Variants in COCH observed in about 807,000 individuals in gnomAD.
COCH encodes coagulation factor C homolog, cochlin (Limulus polyphemus).
Under a neutral mutation model 54.8 loss-of-function variants are expected in COCH, and 40 were observed. The ratio of observed to expected loss-of-function variants is 0.73; its 90% CI spans 0.57 to 0.95. The LOEUF (loss-of-function observed/expected upper bound fraction) is 0.95, where lower values mean the gene tolerates loss of function less well. COCH is among the 40% of genes least tolerant of loss of function. COCH has a pLI of 0.00. For missense variants in COCH, 605 were observed against 675.0 expected, an observed-to-expected ratio of 0.90 and a Z score of 1.15; for synonymous variants, 256 against 237.9, an observed-to-expected ratio of 1.08 and a Z score of -0.70.
intron 1 of COCH, 25 bp from the exon 2 acceptor site, chr14:30,874,891 T>C: frequency 1.9e-6 from 3 of 1,610,624 alleles, no homozygotes; most frequent in Non-Finnish European, 2.5e-6. Flanking sequence ...ACCCTGGCCT[T>C]GCCCGCATTC....
At position 30,890,613 on chromosome 14, in the gene COCH, T is replaced by C. The variant is rs1017646320; in HGVS notation, c.*822T>C. On this transcript the variant is annotated 3_prime_UTR_variant, in exon 12 of 12. Transcript: ENST00000396618. ...AAGCAATAAAACTGCTAGTGAGTTA[T>C]TGTAAGCTGGCTTACTTTTATTACT... The C allele has an allele frequency of 1.0e-6, 1 of 971,092 alleles. No homozygotes were observed. Among genetic ancestry groups the C allele is most frequent in the East Asian group, 1.1e-4 (1 of 8,758 alleles). The allele number at this position is 971,092 out of a possible 1,614,324, so 60.2% of individuals were successfully genotyped here. A position where few individuals can be genotyped will look rare whatever the true frequency, so the allele number is the denominator to read the frequency against.
intron 5 of COCH, 70 bp downstream of exon 5, chr14:30,879,014 TC>T: frequency 6.3e-7 from 1 of 1,584,054 alleles, no homozygotes; most frequent in East Asian, 2.2e-5. Context: ...TTTTTTTAGC[TC>T]AGCCTCTTTA....
intron 3 of COCH, among the ~76,000 whole-genome samples, chr14:30,876,889 C>T (rs1020994302): frequency 3.3e-5 from 5 of 151,994 alleles, no homozygotes; most frequent in Admixed American, 2.6e-4. Context: ...AGCTTGAACT[C>T]CCGGGCTCAA....
At position 30,877,626 on chromosome 14, in the gene COCH, C is replaced by G. The variant is rs1895411268; in HGVS notation, c.137C>G (p.Ala46Gly). 1.2e-6 allele frequency: 2 copies of G among 1,614,220 alleles called. No homozygotes were observed. Among genetic ancestry groups the G allele is most frequent in the Non-Finnish European group, 1.7e-6 (2 of 1,180,050 alleles). Residue 46 changes from alanine (A) to glycine (G), a missense_variant, in exon 4 of 12, where the codon GCA (alanine) becomes GGA (glycine). Physicochemically the swap from Ala to Gly is moderately conservative, Grantham distance 60 (BLOSUM62 0). Coordinates refer to ENST00000396618, the MANE Select transcript of COCH (RefSeq NM_004086.3). This position sits in a 1 kb window ranked among gnomAD's most constrained non-coding sequence, Gnocchi z 8.6. The part of the protein sequence containing the change: ...TRGLDIRKEK[A>G]DVLCPGGCPL... Reference sequence around the variant, plus strand: ...GGCTTGGACATCAGGAAAGAGAAAGCAGATGTCCTCTGCCCAGGGGGCTGC... The same window carrying G: ...GGCTTGGACATCAGGAAAGAGAAAGGAGATGTCCTCTGCCCAGGGGGCTGC...
Position 30,877,784 on chromosome 14 carries a change from C to T in COCH, c.239+56C>T. The T allele has an allele frequency of 6.2e-7, 1 of 1,610,562 alleles. No homozygotes were observed. Among genetic ancestry groups the T allele is most frequent in the Admixed American group, 1.7e-5 (1 of 59,874 alleles). On this transcript the variant is annotated intron_variant, in intron 4 of 11. Coordinates refer to ENST00000396618, the MANE Select transcript of COCH (RefSeq NM_004086.3). The surrounding 1 kb of genome is among the most constrained non-coding windows in gnomAD (Gnocchi z 8.6). Reference sequence around the variant, plus strand: ...AATGCAGACGTGATTATTTCCTTTCCTGCTTTACCCATCTGGATCCCTTTC... The same window carrying T: ...AATGCAGACGTGATTATTTCCTTTCTTGCTTTACCCATCTGGATCCCTTTC...
chr14:30,892,176 T>G (rs1258621857), downstream of COCH, among the ~76,000 whole-genome samples: 1 of 152,226 alleles, frequency 6.6e-6, no homozygotes, highest in Non-Finnish European at 1.5e-5. Flanking sequence ...TAAGACATTA[T>G]TTTTGCATAC....
At chr14:30,889,579 C>A in intron 11 of COCH, 37 bp from the exon 12 acceptor site, 1 of 1,583,386 alleles carries the variant, frequency 6.3e-7, no homozygotes, top group East Asian at 2.2e-5. Flanking sequence ...TTAGCTAGAC[C>A]TGATTTTCAA....
chr14:30,892,372 T>C (rs1212923109), downstream of COCH, among the ~76,000 whole-genome samples: 2 of 152,214 alleles, frequency 1.3e-5, no homozygotes, highest in Non-Finnish European at 2.9e-5. Context: ...TTGGAATAGG[T>C]GCTAGAAACA....
intron 11 of COCH, chr14:30,889,168 C>T (rs1221807901): frequency 6.2e-6 from 1 of 162,532 alleles, no homozygotes; most frequent in African/African-American, 2.4e-5. Flanking sequence ...TGCCATTCTT[C>T]CTTGCTTTAA....
Position 30,877,705 on chromosome 14 carries a change from C to CA in COCH, c.217dup (p.Ile73AsnfsTer22). 6.2e-7 allele frequency: 1 copy of CA among 1,614,204 alleles called. No homozygotes were observed. The highest frequency in any genetic ancestry group is 8.5e-7 in the Non-Finnish European group (1 of 1,180,032). On this transcript the variant is annotated frameshift_variant, in exon 4 of 12. Transcript: ENST00000396618. LOFTEE classifies it high-confidence loss of function. The surrounding 1 kb of genome is among the most constrained non-coding windows in gnomAD (Gnocchi z 8.6). Reference sequence around the variant, plus strand: ...ACATAGTATATGCTTCTGTATCGAGCATATGTGGGGCTGCTGTCCACAGGT... The same window carrying CA: ...ACATAGTATATGCTTCTGTATCGAGCAATATGTGGGGCTGCTGTCCACAGGT...
chr14:30,895,362 C>A (rs1156560614), downstream of COCH: 1 of 1,542,240 alleles, frequency 6.5e-7, no homozygotes. Flanking sequence ...GTGATGCAGA[C>A]CCTCTTTCTG....
intron 8 of COCH, 143 bp from the exon 9 acceptor site, chr14:30,884,410 A>G: frequency 1.6e-6 from 1 of 639,528 alleles, no homozygotes. Flanking sequence ...GTAAGGATGC[A>G]ATGCCTCAGT....
At chr14:30,880,759 AT>A in intron 8 of COCH, 25 bp downstream of exon 8, 2 of 1,568,412 alleles carry the variant, frequency 1.3e-6, no homozygotes, top group Non-Finnish European at 1.8e-6. Context: ...AAAATGGGAG[AT>A]TTAAAAAAAA....
chr14:30,889,442 C>T (rs1895907151), intron 11 of COCH, 174 bp from the exon 12 acceptor site: 2 of 618,100 alleles, frequency 3.2e-6, no homozygotes, highest in Non-Finnish European at 5.7e-6. Context: ...ACTCTTTTGC[C>T]ACTCTCGTCA....
intron 11 of COCH, among the ~76,000 whole-genome samples, chr14:30,887,398 A>AG (rs1234273533): frequency 6.6e-6 from 1 of 151,038 alleles, no homozygotes; most frequent in Non-Finnish European, 1.5e-5. Flanking sequence ...TGTCTCAAAA[A>AG]GAAAAAAAAA....
rs755252656 is a variant in COCH at position 30,880,457 on chromosome 14, C to T, written c.442C>T (p.Arg148Ter). 8.1e-6 allele frequency: 13 copies of T among 1,613,800 alleles called. No homozygotes were observed. The Admixed American group carries it at 1.0e-4, about 12-fold the overall frequency. Residue 148 changes from arginine to a stop codon, truncating the protein, a stop_gained, in exon 7 of 12, where the codon CGA becomes TGA. Coordinates refer to ENST00000396618, the MANE Select transcript of COCH (RefSeq NM_004086.3). LOFTEE classifies it high-confidence loss of function. ...AAGTGCATCTTTTATTTCAGGTAAA[C>T]GACTAAAGAAAACACCCGAGAAGAA... ...VSTAHPPTGKRLKKTPEKKTG... is the reference protein window; with the variant it reads ...VSTAHPPTGK
downstream of COCH, chr14:30,894,990 T>C (rs1172066972): frequency 3.8e-6 from 3 of 796,270 alleles, no homozygotes; most frequent in East Asian, 2.0e-4. Context: ...AAAGCTACTC[T>C]TGGAGCTCAC....
Position 30,877,650 on chromosome 14 carries a change from G to T in COCH, c.161G>T (p.Cys54Phe). 6.2e-7 allele frequency: 1 copy of T among 1,614,202 alleles called. No homozygotes were observed. Among genetic ancestry groups the T allele is most frequent in the Non-Finnish European group, 8.5e-7 (1 of 1,180,030 alleles). Residue 54 changes from cysteine (C) to phenylalanine (F), a missense_variant, in exon 4 of 12, where the codon TGC becomes TTC. Transcript: ENST00000396618. This position sits in a 1 kb window ranked among gnomAD's most constrained non-coding sequence, Gnocchi z 8.6. Reference protein sequence around the residue: ...EKADVLCPGGCPLEEFSVYGN... With the variant: ...EKADVLCPGGFPLEEFSVYGN... ...GCAGATGTCCTCTGCCCAGGGGGCT[G>T]CCCTCTTGAGGAATTCTCTGTGTAT...
At chr14:30,876,712 A>T (rs556638896) in intron 3 of COCH, among the ~76,000 whole-genome samples, 1 of 152,350 alleles carries the variant, frequency 6.6e-6, no homozygotes, top group African/African-American at 2.4e-5. Context: ...CATGTCTATG[A>T]AAATGTTCCA....
Sources: gnomAD v4.1 joint callset for allele counts (sites outside exome capture counted in the v4.1 genomes callset) on GRCh38, gnomAD v4.1.1 for gene constraint, Gnocchi (gnomAD v3.1) non-coding constraint, MANE v1.5 for transcripts, NCBI Gene and HGNC (gene_info 2026-07-23, HGNC 2026-07-21) for gene names.